Variants in CHL1 observed in about 807,000 individuals in gnomAD.
CHL1 encodes cell adhesion molecule L1 like, also known as neural cell adhesion molecule L1-like protein.
In CHL1, 96 loss-of-function variants were observed where a neutral mutation model predicts 141.9. The ratio of observed to expected loss-of-function variants is 0.68; its 90% CI spans 0.57 to 0.80. The LOEUF is 0.80. CHL1 is among the 30% of genes least tolerant of loss of function. CHL1 has a pLI of 0.00. For missense variants in CHL1, 1,820 were observed against 1,457.2 expected, an observed-to-expected ratio of 1.25 and a Z score of -4.05; for synonymous variants, 613 against 502.2, an observed-to-expected ratio of 1.22 and a Z score of -2.95.
intron 1 of CHL1, among the ~76,000 whole-genome samples, chr3:220,167 C>T (rs751349438): frequency 6.6e-5 from 10 of 152,006 alleles, no homozygotes; most frequent in Admixed American, 2.0e-4. Context: ...GGGTGGTTGA[C>T]GACTGACATG....
At chr3:402,147 G>A (rs978204283) in intron 27 of CHL1, among the ~76,000 whole-genome samples, 1 of 152,182 alleles carries the variant, frequency 6.6e-6, no homozygotes, top group African/African-American at 2.4e-5. Flanking sequence ...ATATGCAAAT[G>A]ACTGTAATGA....
rs1709706980 is a variant in CHL1 at position 409,073 on chromosome 3, C to T, written c.*3362C>T. 6.6e-6 allele frequency: 1 copy of T among 151,990 alleles called. No homozygotes were observed. The highest frequency in any genetic ancestry group is 2.4e-5 in the African/African-American group (1 of 41,400). The allele number at this position is 151,990 out of a possible 1,614,324, so 9.4% of individuals were successfully genotyped here. On this transcript the variant is annotated 3_prime_UTR_variant, in exon 28 of 28. Coordinates refer to ENST00000256509, the MANE Select transcript of CHL1 (RefSeq NM_006614.4). ...TACCATTAAGATATGATTCATGTAACAATGTTAAATTAATTATAATGGGAT... is the reference window on the plus strand; with the variant it reads ...TACCATTAAGATATGATTCATGTAATAATGTTAAATTAATTATAATGGGAT...
chr3:284,926 C>T (rs1222222078), intron 2 of CHL1, among the ~76,000 whole-genome samples: 1 of 151,992 alleles, frequency 6.6e-6, no homozygotes, highest in Non-Finnish European at 1.5e-5. Flanking sequence ...TCTATTATAT[C>T]GTTGTTTGAC....
intron 2 of CHL1, among the ~76,000 whole-genome samples, chr3:276,373 G>C (rs1696099477): frequency 6.6e-6 from 1 of 152,170 alleles, no homozygotes; most frequent in South Asian, 2.1e-4. Context: ...AGACATTTTT[G>C]AGGAGTTGGA....
intron 1 of CHL1, among the ~76,000 whole-genome samples, chr3:221,895 T>C (rs1700877496): frequency 6.6e-6 from 1 of 152,212 alleles, no homozygotes; most frequent in South Asian, 2.1e-4. Flanking sequence ...AAAATATAAC[T>C]ACATTTAAGA....
At chr3:377,504 A>G (rs576451613) in intron 15 of CHL1, among the ~76,000 whole-genome samples, 29 of 152,282 alleles carry the variant, frequency 1.9e-4, no homozygotes, top group African/African-American at 7.0e-4. Flanking sequence ...TATCTTGGCC[A>G]TTGTGAGGTA....
chr3:261,686 A>G (rs1343008764), intron 2 of CHL1, among the ~76,000 whole-genome samples: 1 of 152,136 alleles, frequency 6.6e-6, no homozygotes, highest in Non-Finnish European at 1.5e-5. Context: ...CAAAGATAGA[A>G]TGAGTATTTA....
At chr3:381,383 G>GTTTC (rs71619455) in intron 16 of CHL1, among the ~76,000 whole-genome samples, 1 of 152,160 alleles carries the variant, frequency 6.6e-6, no homozygotes, top group Non-Finnish European at 1.5e-5. Context: ...TTTGCAGTGG[G>GTTTC]AGAAAGGAAG....
chr3:259,306 G>T (rs1694482097), intron 2 of CHL1, among the ~76,000 whole-genome samples: 1 of 150,444 alleles, frequency 6.6e-6, no homozygotes, highest in Non-Finnish European at 1.5e-5. Context: ...GTGCGTGCTT[G>T]TGTGTGTGTG....
intron 1 of CHL1, among the ~76,000 whole-genome samples, chr3:215,769 A>T (rs2124938094): frequency 6.6e-6 from 1 of 152,310 alleles, no homozygotes. Flanking sequence ...ATTAATTATA[A>T]AATGGCTCTG....
chr3:355,990 G>A (rs184383424), intron 11 of CHL1, among the ~76,000 whole-genome samples: 76 of 152,246 alleles, frequency 5.0e-4, no homozygotes, highest in Non-Finnish European at 9.1e-4. Flanking sequence ...TGGATTAAAG[G>A]AAACATCATG....
intron 27 of CHL1, among the ~76,000 whole-genome samples, chr3:402,907 A>G (rs1709257275): frequency 6.6e-6 from 1 of 152,204 alleles, no homozygotes; most frequent in African/African-American, 2.4e-5. Context: ...ATAACCACCA[A>G]TACTCAACAG....
At chr3:234,651 A>G (rs1274771533) in intron 1 of CHL1, among the ~76,000 whole-genome samples, 1 of 152,122 alleles carries the variant, frequency 6.6e-6, no homozygotes, top group Non-Finnish European at 1.5e-5. Flanking sequence ...AGAGGTTGAA[A>G]GCCACTTGAG....
intron 3 of CHL1, among the ~76,000 whole-genome samples, chr3:324,633 A>C (rs1024040472): frequency 7.1e-6 from 1 of 140,270 alleles, no homozygotes; most frequent in Non-Finnish European, 1.6e-5. Context: ...TTATTTATTT[A>C]TTTATTTATT....
chr3:380,565 G>A (rs1433840065), intron 16 of CHL1, among the ~76,000 whole-genome samples: 2 of 152,010 alleles, frequency 1.3e-5, no homozygotes, highest in African/African-American at 4.8e-5. Context: ...TCAAAAATTT[G>A]TGATCATTTA....
At chr3:308,463 A>G (rs1439696239) in intron 2 of CHL1, among the ~76,000 whole-genome samples, 4 of 152,064 alleles carry the variant, frequency 2.6e-5, no homozygotes, top group Non-Finnish European at 2.9e-5. Flanking sequence ...TGATTAACAC[A>G]AAAAACTGGA....
intron 2 of CHL1, among the ~76,000 whole-genome samples, chr3:267,189 C>T (rs1159999918): frequency 6.6e-6 from 1 of 152,170 alleles, no homozygotes; most frequent in African/African-American, 2.4e-5. Context: ...AAAAATTCAA[C>T]AAATAAGCCA....
At chr3:361,930 T>C in intron 13 of CHL1, 120 bp downstream of exon 13, 2 of 682,644 alleles carry the variant, frequency 2.9e-6, no homozygotes, top group South Asian at 1.8e-5. Flanking sequence ...CCAGTACCTC[T>C]GAGACATAAG....
intron 2 of CHL1, among the ~76,000 whole-genome samples, chr3:270,919 C>T (rs1695577937): frequency 6.6e-6 from 1 of 152,192 alleles, no homozygotes; most frequent in Non-Finnish European, 1.5e-5. Flanking sequence ...TCAGGCATGA[C>T]TGCTGGCTTT....
Sources: gnomAD v4.1 joint callset for allele counts (sites outside exome capture counted in the v4.1 genomes callset) on GRCh38, gnomAD v4.1.1 for gene constraint, MANE v1.5 for transcripts, NCBI Gene and HGNC (gene_info 2026-07-23, HGNC 2026-07-21) for gene names.